The following COL22A1 variants were observed in gnomAD, a reference collection of about 807,000 sequenced individuals.
COL22A1 encodes the protein collagen alpha-1(XXII) chain.
Under a neutral mutation model 248.9 loss-of-function variants are expected in COL22A1, and 221 were observed. The observed-to-expected ratio is 0.89, with a 90% CI of 0.80 to 0.99. The LOEUF (loss-of-function observed/expected upper bound fraction) is 0.99. Ranked by LOEUF, COL22A1 falls within the 50% of genes least tolerant of loss-of-function variation. COL22A1 has a pLI of 0.00. For synonymous variants in COL22A1, 891 were observed against 793.4 expected (o/e 1.12, Z -2.07); for missense variants, 2,240 against 2,179.0 (o/e 1.03, Z -0.56).
intron 16 of COL22A1, among the ~76,000 whole-genome samples, chr8:138,772,506 G>T (rs982840466): frequency 2.0e-5 from 3 of 152,172 alleles, no homozygotes; most frequent in Non-Finnish European, 4.4e-5. Context: ...TTAAAAAAAA[G>T]ATTTTTATAC....
intron 16 of COL22A1, among the ~76,000 whole-genome samples, chr8:138,775,136 A>C (rs1266657542): frequency 6.6e-6 from 1 of 152,240 alleles, no homozygotes; most frequent in African/African-American, 2.4e-5. Flanking sequence ...CCAGCAAAGC[A>C]TCTCAGACAT....
Position 138,694,563 on chromosome 8 carries a change from T to G in COL22A1, c.2647-2A>C, listed in dbSNP as rs770185994. 6.2e-7 allele frequency: 1 copy of G among 1,613,886 alleles called. No individual in the cohort carries two copies. On this transcript the variant is annotated splice_acceptor_variant, in intron 33 of 64. Coordinates refer to ENST00000303045, the MANE Select transcript of COL22A1 (RefSeq NM_152888.3). LOFTEE classifies it high-confidence loss of function. ...TTCTCCAGGACGGCCCTGCAGTCCC[T>G]GTAAGCACACAAGTTGCCATGAACC...
At chr8:138,709,028 C>T (rs1226487665) in intron 30 of COL22A1, among the ~76,000 whole-genome samples, 3 of 152,154 alleles carry the variant, frequency 2.0e-5, no homozygotes, top group African/African-American at 7.2e-5. Context: ...CCAACAGACA[C>T]ATGAAAAAAT....
At chr8:138,630,304 T>C (rs1820596478) in intron 50 of COL22A1, among the ~76,000 whole-genome samples, 1 of 152,176 alleles carries the variant, frequency 6.6e-6, no homozygotes, top group South Asian at 2.1e-4. Context: ...TTGTCTGACA[T>C]TCCCCTGGTG....
chr8:138,662,932 C>T (rs1824101391), intron 42 of COL22A1, among the ~76,000 whole-genome samples: 1 of 151,416 alleles, frequency 6.6e-6, no homozygotes, highest in African/African-American at 2.4e-5. Flanking sequence ...AGGAGGATTG[C>T]TTGAACCCAG....
intron 3 of COL22A1, among the ~76,000 whole-genome samples, chr8:138,863,194 C>A (rs1205558085): frequency 6.6e-6 from 1 of 152,214 alleles, no homozygotes; most frequent in East Asian, 1.9e-4. Flanking sequence ...ATGCCTAAGG[C>A]CACTTGTGGC....
At chr8:138,806,969 C>G (rs1256638387) in intron 10 of COL22A1, among the ~76,000 whole-genome samples, 1 of 152,192 alleles carries the variant, frequency 6.6e-6, no homozygotes, top group Non-Finnish European at 1.5e-5. Flanking sequence ...CAGCATTGAC[C>G]TCAGGGCCTG....
chr8:138,747,021 A>T (rs1373724362), intron 22 of COL22A1, among the ~76,000 whole-genome samples: 1 of 152,256 alleles, frequency 6.6e-6, no homozygotes, highest in Non-Finnish European at 1.5e-5. Flanking sequence ...AGATAGGCCC[A>T]TCTGGAACCT....
At chr8:138,821,485 T>A (rs1409115203) in intron 6 of COL22A1, 74 bp from the exon 7 acceptor site, 2 of 1,470,484 alleles carry the variant, frequency 1.4e-6, no homozygotes, top group East Asian at 4.6e-5. Flanking sequence ...GAAACGGGAG[T>A]TCAGAGTCAG....
rs1288559218 is a variant in COL22A1 at position 138,598,888 on chromosome 8, C to T, written c.4196G>A (p.Gly1399Glu). The change falls in exon 61 of 65, where the codon GGG becomes GAG. Residue 1399 changes from glycine to glutamate, a missense_variant. Gly to Glu is a moderately conservative substitution (Grantham distance 98, BLOSUM62 -2). Transcript: ENST00000303045. Reference protein sequence around the residue: ...PGFKGERGDPGIKGDKGPPGG... With the variant: ...PGFKGERGDPEIKGDKGPPGG... ...AGGAGGTCCTTTGTCACCTTTGATCCCAGGATCTCCCTAAGGAGGAAATAA... is the reference window on the plus strand; with the variant it reads ...AGGAGGTCCTTTGTCACCTTTGATCTCAGGATCTCCCTAAGGAGGAAATAA... The T allele has an allele frequency of 6.2e-7, 1 of 1,614,084 alleles. No individual in the cohort carries two copies.
chr8:138,727,977 G>A (rs1830447536), intron 23 of COL22A1, among the ~76,000 whole-genome samples: 1 of 152,154 alleles, frequency 6.6e-6, no homozygotes, highest in Non-Finnish European at 1.5e-5. Flanking sequence ...GAGCCCTGCA[G>A]TGACACTCAC....
chr8:138,827,611 G>T (rs1819698105), intron 5 of COL22A1, among the ~76,000 whole-genome samples: 1 of 151,964 alleles, frequency 6.6e-6, no homozygotes, highest in African/African-American at 2.4e-5. Flanking sequence ...ACCTCAGGGA[G>T]GCCTCAGCTC....
intron 4 of COL22A1, among the ~76,000 whole-genome samples, chr8:138,839,240 G>T (rs75357949): frequency 4.6e-5 from 7 of 152,248 alleles, no homozygotes; most frequent in Admixed American, 1.3e-4. Flanking sequence ...TAGATGCTGC[G>T]TGGGCTGCTC....
intron 47 of COL22A1, among the ~76,000 whole-genome samples, chr8:138,643,280 A>C (rs1250323657): frequency 6.6e-6 from 1 of 152,164 alleles, no homozygotes; most frequent in Non-Finnish European, 1.5e-5. Context: ...ATCTGCACTG[A>C]GATCTGATAT....
chr8:138,594,214 AAG>A lies in COL22A1; in HGVS notation c.4433-17_4433-16del. 1 of 1,559,782 alleles carries A rather than the reference AAG, an allele frequency of 6.4e-7. No individual in the cohort carries two copies. The highest frequency in any genetic ancestry group is 1.4e-5 in the African/African-American group (1 of 70,470). On this transcript the variant is annotated splice_polypyrimidine_tract_variant and intron_variant, in intron 62 of 64. Transcript: ENST00000303045. ...GGCGAGTCTGGCTGTAAAGTAGAAA[AAG>A]AGAGGCATTTCATGAAGAACAGATA...
At chr8:138,886,283 G>C (rs776795333) in intron 1 of COL22A1, among the ~76,000 whole-genome samples, 6 of 152,162 alleles carry the variant, frequency 3.9e-5, no homozygotes, top group Non-Finnish European at 4.4e-5. Flanking sequence ...CTCCCCCGTG[G>C]CCTAGTGAGG....
At chr8:138,770,122 T>G (rs2131451890) in intron 16 of COL22A1, among the ~76,000 whole-genome samples, 1 of 152,262 alleles carries the variant, frequency 6.6e-6, no homozygotes, top group East Asian at 1.9e-4. Context: ...GCCTAGTTCC[T>G]CCGATTCCAA....
At chr8:138,855,862 C>T (rs1398799173) in intron 3 of COL22A1, among the ~76,000 whole-genome samples, 1 of 152,232 alleles carries the variant, frequency 6.6e-6, no homozygotes, top group Non-Finnish European at 1.5e-5. Context: ...GTTCCCAAGC[C>T]ACCCACTGTC....
intron 3 of COL22A1, among the ~76,000 whole-genome samples, chr8:138,860,199 T>C (rs17678562): frequency 0.033 from 5,008 of 152,312 alleles, 119 homozygotes; most frequent in Non-Finnish European, 0.052. Flanking sequence ...ACAAGACCTC[T>C]GAGCTCACCC....
Sources: allele counts gnomAD v4.1 joint callset (sites outside exome capture counted in the v4.1 genomes callset), GRCh38; gene constraint gnomAD v4.1.1; transcripts MANE v1.5; gene names NCBI Gene and HGNC (gene_info 2026-07-23, HGNC 2026-07-21).